ABHD2: variants seen among roughly 807,000 people sequenced by gnomAD.
ABHD2 encodes the protein monoacylglycerol lipase ABHD2.
ABHD2 carries 20 observed loss-of-function variants against 48.1 expected under a neutral mutation model. The ratio of observed to expected loss-of-function variants is 0.42; its 90% CI spans 0.29 to 0.60. The LOEUF is 0.60. Ranked by LOEUF, ABHD2 falls within the 20% of genes least tolerant of loss-of-function variation. The probability of loss-of-function intolerance (pLI) is 0.24; values close to 1 mark genes in which losing one functional copy is unlikely to be tolerated. For synonymous variants in ABHD2, 209 were observed against 214.2 expected (o/e 0.98, Z 0.21); for missense variants, 405 against 550.9 (o/e 0.74, Z 2.65).
chr15:89,074,069 A>G, the ABHD2 span, among the ~76,000 whole-genome samples: 2 of 151,972 alleles, frequency 1.3e-5, no homozygotes, highest in African/African-American at 2.4e-5. Flanking sequence ...TTGGTTCTCC[A>G]CTCTGTACAT....
rs201301214 is a variant in ABHD2, at chr15:89,175,945, A to G, written c.672A>G (p.Gln224=). The G allele has an allele frequency of 3.8e-5, 62 of 1,613,896 alleles. No homozygotes were observed. The highest frequency in any genetic ancestry group is 5.2e-5 in the Non-Finnish European group (61 of 1,179,958). Residue 224 remains glutamine (Q), a synonymous_variant, in exon 6 of 11, where the codon CAA becomes CAG. Transcript: ENST00000352732. This position sits in a 1 kb window ranked among gnomAD's most constrained non-coding sequence, Gnocchi z 5.7. ...CKYLGETQAN[Q]EKVLCCVSVC... is the part of the protein sequence containing the mutation. ...ACTTGGGGGAGACTCAGGCAAACCA[A>G]GAGAAGGTCCTGTGCTGCGTCAGCG...
chr15:89,083,012 G>A (rs552462885), upstream of ABHD2, among the ~76,000 whole-genome samples: 12 of 152,134 alleles, frequency 7.9e-5, no homozygotes, highest in East Asian at 2.1e-3. The surrounding 1 kb of genome is among the most constrained non-coding windows in gnomAD (Gnocchi z 5.1). Flanking sequence ...CTGCCACCAC[G>A]CTGGGCTAAT....
At chr15:89,061,171 A>G in the ABHD2 span, among the ~76,000 whole-genome samples, 3 of 152,186 alleles carry the variant, frequency 2.0e-5, no homozygotes, top group Admixed American at 2.0e-4. Context: ...TAATCCCAGC[A>G]CTTTGGGAGG....
Position 89,188,314 on chromosome 15 carries a change from G to A in ABHD2, c.926+11G>A, listed in dbSNP as rs192520435. The A allele has an allele frequency of 4.5e-5, 72 of 1,613,044 alleles. No homozygotes were observed. The Admixed American group carries it at 6.8e-4, about 15-fold the overall frequency. On this transcript the variant is annotated intron_variant, in intron 8 of 10. Transcript: ENST00000352732. The surrounding 1 kb of genome is among the most constrained non-coding windows in gnomAD (Gnocchi z 4.1). ...TGACAATGTGATGAGGTGTGTCCGC[G>A]CAGGCGGGAGAGGGACGCTCTGGGG...
At chr15:89,138,478 T>C (rs1255830573) in intron 3 of ABHD2, among the ~76,000 whole-genome samples, 1 of 152,256 alleles carries the variant, frequency 6.6e-6, no homozygotes, top group Admixed American at 6.5e-5. Context: ...ATATTCAGTA[T>C]GATTTTGTTA....
At chr15:89,108,329 C>T (rs980285659) in intron 1 of ABHD2, among the ~76,000 whole-genome samples, 3 of 152,206 alleles carry the variant, frequency 2.0e-5, no homozygotes, top group Non-Finnish European at 2.9e-5. Flanking sequence ...GCTGTAGATA[C>T]GTGGCTCCAG....
upstream of ABHD2, among the ~76,000 whole-genome samples, chr15:89,084,074 C>G (rs1326658219): frequency 6.6e-6 from 1 of 152,166 alleles, no homozygotes; most frequent in African/African-American, 2.4e-5. The surrounding 1 kb of genome is among the most constrained non-coding windows in gnomAD (Gnocchi z 4.4). Context: ...TTAGCCTCAT[C>G]CTTTCCATTT....
rs150962642 is a variant in ABHD2, at chr15:89,105,043, A to T, written c.-106-8682A>T. On this transcript the variant is annotated intron_variant, in intron 1 of 10. Transcript: ENST00000352732. Reference sequence around the variant, plus strand: ...AATCTAGAACCTCCCTAGAGGAAACACCTGGCGTAAGATTTTTTTGTTTGT... The same window carrying T: ...AATCTAGAACCTCCCTAGAGGAAACTCCTGGCGTAAGATTTTTTTGTTTGT... Among the ~76,000 whole-genome samples the T allele has an allele frequency of 5.8e-3, 887 of 152,292 alleles. 8 individuals are homozygous for T. Among genetic ancestry groups the T allele is most frequent in the South Asian group, 0.018 (88 of 4,828 alleles).
chr15:89,096,507 G>A (rs950543694), intron 1 of ABHD2, among the ~76,000 whole-genome samples: 91 of 152,344 alleles, frequency 6.0e-4, no homozygotes, highest in Non-Finnish European at 5.1e-4. Context: ...ACCTGAGTTT[G>A]AAAGACCCCA....
the ABHD2 span, among the ~76,000 whole-genome samples, chr15:89,043,454 GAGGAGAAGGAGA>G: frequency 7.0e-6 from 1 of 143,798 alleles, no homozygotes; most frequent in Non-Finnish European, 1.5e-5. Flanking sequence ...GAAGGAGGAG[GAGGAGAAGGAGA>G]AGGAGAAGGA....
At chr15:89,082,022 G>A in the ABHD2 span, among the ~76,000 whole-genome samples, 1,598 of 151,980 alleles carry the variant, frequency 0.011, 34 homozygotes, top group African/African-American at 0.037. The surrounding 1 kb of genome is among the most constrained non-coding windows in gnomAD (Gnocchi z 4.4). Context: ...CTTTGTTGTG[G>A]GGCTGTCCTG....
At position 89,164,663 on chromosome 15, in the gene ABHD2, T is replaced by C. The variant is rs1254749073; in HGVS notation, c.538+9129T>C. On this transcript the variant is annotated intron_variant, in intron 5 of 10. Coordinates refer to ENST00000352732, the MANE Select transcript of ABHD2 (RefSeq NM_152924.5). The surrounding 1 kb of genome is among the most constrained non-coding windows in gnomAD (Gnocchi z 5.0). ...AGCCAGGTGTGATGATACACACCTG[T>C]AATCTCAGCTACCTGGGAGGCAAAG... Among the ~76,000 whole-genome samples, 8 of 151,832 alleles carry C rather than the reference T, an allele frequency of 5.3e-5. No homozygotes were observed. Among genetic ancestry groups the C allele is most frequent in the Admixed American group, 5.3e-4 (8 of 15,236 alleles).
At chr15:89,060,568 G>T in the ABHD2 span, among the ~76,000 whole-genome samples, 1 of 146,068 alleles carries the variant, frequency 6.8e-6, no homozygotes, top group African/African-American at 2.5e-5. Context: ...ACAAAACATA[G>T]GTCACATTCT....
the ABHD2 span, among the ~76,000 whole-genome samples, chr15:89,080,304 T>C: frequency 1.3e-5 from 2 of 152,192 alleles, no homozygotes; most frequent in Non-Finnish European, 2.9e-5. Flanking sequence ...AAACACTTTA[T>C]GTAGAACACA....
In ABHD2 at chr15:89,185,208, C is replaced by T. The variant is rs1056513972; in HGVS notation, c.723-216C>T. On this transcript the variant is annotated intron_variant, in intron 6 of 10. Coordinates refer to ENST00000352732, the MANE Select transcript of ABHD2 (RefSeq NM_152924.5). This position sits in a 1 kb window ranked among gnomAD's most constrained non-coding sequence, Gnocchi z 5.9. ...CTCTGGCGCTAGAGAGGGCCTTTGC[C>T]GGGGTCCCCTTCCCCTGCGCTGTCT... 2.6e-5 allele frequency among the ~76,000 whole-genome samples: 4 copies of T among 152,270 alleles called. No homozygotes were observed. Among genetic ancestry groups the T allele is most frequent in the Admixed American group, 1.3e-4 (2 of 15,302 alleles).
At chr15:89,121,717 C>T (rs938526442) in intron 3 of ABHD2, among the ~76,000 whole-genome samples, 3 of 152,198 alleles carry the variant, frequency 2.0e-5, no homozygotes, top group Admixed American at 2.0e-4. Context: ...ACAGCATTCT[C>T]TCATTGCCTG....
chr15:89,199,196 C>G lies in ABHD2; in HGVS notation c.*3773C>G, dbSNP rs2051442700. 6.6e-6 allele frequency: 1 copy of G among 151,864 alleles called. No individual in the cohort carries two copies. The allele number at this position is 151,864 out of a possible 1,614,324, so 9.4% of individuals were successfully genotyped here. ...ATCTAGTTTGCCAGCTCCTGGGAAA[C>G]AATACATGTGTTCTTGTTTGTGTTT... On this transcript the variant is annotated 3_prime_UTR_variant, in exon 11 of 11. Transcript: ENST00000352732. This position sits in a 1 kb window ranked among gnomAD's most constrained non-coding sequence, Gnocchi z 4.1.
rs146313782 is a variant in ABHD2 at position 89,133,192 on chromosome 15, A to G, written c.194+16671A>G. On this transcript the variant is annotated intron_variant, in intron 3 of 10. Transcript: ENST00000352732. ...TATCCTTCCATCTTTTCTTTGTGAA[A>G]TATCACTCAGAGATTTGTCCATAGG... Among the ~76,000 whole-genome samples, 977 of 152,284 alleles carry G rather than the reference A, an allele frequency of 6.4e-3. 7 individuals carry two copies. Among genetic ancestry groups the G allele is most frequent in the Middle Eastern group, 0.01 (3 of 294 alleles).
rs760830108 is a variant in ABHD2, at chr15:89,191,197, C to T, written c.996+48C>T. 8.8e-6 allele frequency: 14 copies of T among 1,585,728 alleles called. No homozygotes were observed. In the Admixed American group the frequency reaches 1.3e-4, roughly 15 times the overall value. ...GAATCAGCATCACTCCACCCAGCCT[C>T]GCACACAATACGACAGATACCTCTC... On this transcript the variant is annotated intron_variant, in intron 9 of 10. Coordinates refer to ENST00000352732, the MANE Select transcript of ABHD2 (RefSeq NM_152924.5).
Sources: gnomAD v4.1 joint callset for allele counts (sites outside exome capture counted in the v4.1 genomes callset) on GRCh38, gnomAD v4.1.1 for gene constraint, Gnocchi (gnomAD v3.1) non-coding constraint, MANE v1.5 for transcripts, NCBI Gene and HGNC (gene_info 2026-07-23, HGNC 2026-07-21) for gene names.